AUTS2: variants seen among roughly 807,000 people sequenced by gnomAD.
AUTS2 encodes the protein activator of transcription and developmental regulator AUTS2.
In AUTS2, 17 loss-of-function variants were observed where a neutral mutation model predicts 112.4. The ratio of observed to expected loss-of-function variants is 0.15; its 90% confidence interval spans 0.10 to 0.23. The LOEUF (loss-of-function observed/expected upper bound fraction) is 0.23, where lower values mean the gene tolerates loss of function less well. AUTS2 is among the 10% of genes least tolerant of loss of function. The probability of loss-of-function intolerance (pLI) is 1.00; values close to 1 mark genes in which losing one functional copy is unlikely to be tolerated. For synonymous variants in AUTS2, 751 were observed against 702.7 expected (o/e 1.07, Z -1.09); for missense variants, 1,510 against 1,701.6 (o/e 0.89, Z 1.98).
At chr7:70,465,850 C>A (rs1370858078) in intron 5 of AUTS2, among the ~76,000 whole-genome samples, 1 of 152,128 alleles carries the variant, frequency 6.6e-6, no homozygotes, top group East Asian at 1.9e-4. Context: ...TGCAAGTGGG[C>A]AGGAGGGGTT....
intron 4 of AUTS2, among the ~76,000 whole-genome samples, chr7:70,213,611 T>A (rs1345060295): frequency 6.6e-6 from 1 of 152,142 alleles, no homozygotes. Context: ...AAAATCATCT[T>A]GTCTTCTTTA....
At chr7:70,646,934 C>A (rs937642840) in intron 5 of AUTS2, among the ~76,000 whole-genome samples, 1 of 152,234 alleles carries the variant, frequency 6.6e-6, no homozygotes, top group African/African-American at 2.4e-5. Context: ...TCTGGCCTTG[C>A]TGCTCATCAT....
chr7:69,963,563 A>G (rs1323539259), intron 2 of AUTS2, among the ~76,000 whole-genome samples: 1 of 152,162 alleles, frequency 6.6e-6, no homozygotes, highest in Non-Finnish European at 1.5e-5. Flanking sequence ...TGAGCTACTA[A>G]GCAGAGGTTA....
At chr7:69,947,705 T>C (rs1442133245) in intron 2 of AUTS2, among the ~76,000 whole-genome samples, 1 of 152,176 alleles carries the variant, frequency 6.6e-6, no homozygotes, top group East Asian at 1.9e-4. Flanking sequence ...GATAAATTTG[T>C]TATATAGGCT....
intron 4 of AUTS2, among the ~76,000 whole-genome samples, chr7:70,239,719 G>A (rs1812510137): frequency 6.6e-6 from 1 of 152,086 alleles, no homozygotes; most frequent in South Asian, 2.1e-4. Context: ...ACAGGCGTGA[G>A]CCACCATACC....
At chr7:70,021,399 C>T (rs73160105) in intron 2 of AUTS2, among the ~76,000 whole-genome samples, 344 of 152,224 alleles carry the variant, frequency 2.3e-3, no homozygotes, top group Non-Finnish European at 3.6e-3. Context: ...GAAGGTTAGG[C>T]TTTGAGAAGT....
intron 4 of AUTS2, among the ~76,000 whole-genome samples, chr7:70,355,756 A>G (rs1360080696): frequency 6.6e-6 from 1 of 152,148 alleles, no homozygotes; most frequent in Non-Finnish European, 1.5e-5. Context: ...CAGCTGATAT[A>G]TGACACTAAT....
At chr7:69,952,487 TG>T (rs1420190509) in intron 2 of AUTS2, among the ~76,000 whole-genome samples, 2 of 152,160 alleles carry the variant, frequency 1.3e-5, no homozygotes, top group African/African-American at 2.4e-5. Flanking sequence ...GCAGGATCAT[TG>T]TAAATTAGTG....
chr7:70,628,116 G>C (rs1292313067), intron 5 of AUTS2, among the ~76,000 whole-genome samples: 2 of 152,130 alleles, frequency 1.3e-5, no homozygotes, highest in African/African-American at 4.8e-5. Flanking sequence ...CAGGGCACAA[G>C]TGTGGCAAAG....
At position 70,406,979 on chromosome 7, in the gene AUTS2, T is replaced by C. The variant is rs995335388; in HGVS notation, c.661-28773T>C. ...ACCCAAAACCTACTGATTTGTTAAG[T>C]TGTCATTCTCCTTATGGACATCAAG... On this transcript the variant is annotated intron_variant, in intron 4 of 18. Transcript: ENST00000342771. Among the ~76,000 whole-genome samples, 9 of 152,352 alleles carry C rather than the reference T, an allele frequency of 5.9e-5. No homozygotes were observed. In the South Asian group the frequency reaches 1.2e-3, roughly 21 times the overall value.
chr7:69,888,540 GATATATATAT>G (rs60804022), intron 1 of AUTS2, among the ~76,000 whole-genome samples: 994 of 99,232 alleles, frequency 0.01, 19 homozygotes, highest in South Asian at 0.03. Context: ...CAACATTGGG[GATATATATAT>G]ATATATATAT....
At chr7:70,692,789 G>A (rs1413777131) in intron 5 of AUTS2, among the ~76,000 whole-genome samples, 1 of 148,870 alleles carries the variant, frequency 6.7e-6, no homozygotes, top group Non-Finnish European at 1.5e-5. Flanking sequence ...TAACTTGAGA[G>A]GTTTTTCAAG....
intron 1 of AUTS2, among the ~76,000 whole-genome samples, chr7:69,646,230 A>T (rs116543277): frequency 0.019 from 2,926 of 152,186 alleles, 91 homozygotes; most frequent in African/African-American, 0.064. Flanking sequence ...ACATTTTTTT[A>T]AAAAAGCAGG....
chr7:69,881,407 C>T (rs554397971), intron 1 of AUTS2, among the ~76,000 whole-genome samples: 1 of 151,598 alleles, frequency 6.6e-6, no homozygotes, highest in East Asian at 1.9e-4. Flanking sequence ...TGGCAGGAGG[C>T]CTTGTAGGTA....
chr7:70,426,662 C>T (rs1379696692), intron 4 of AUTS2, among the ~76,000 whole-genome samples: 2 of 152,136 alleles, frequency 1.3e-5, no homozygotes, highest in Non-Finnish European at 1.5e-5. Context: ...GCAATGATAT[C>T]CTTTTATCTT....
chr7:70,625,406 C>T (rs867339193), intron 5 of AUTS2, among the ~76,000 whole-genome samples: 7 of 152,220 alleles, frequency 4.6e-5, no homozygotes, highest in Admixed American at 1.3e-4. Flanking sequence ...TTGGGATTCA[C>T]ACAATACTTG....
At chr7:70,690,339 C>A (rs1485438180) in intron 5 of AUTS2, among the ~76,000 whole-genome samples, 3 of 152,158 alleles carry the variant, frequency 2.0e-5, no homozygotes, top group Admixed American at 2.0e-4. Context: ...ACATCCTTGC[C>A]GAGGCTAGTT....
At chr7:69,972,666 CGTGCATGTGTGTGTGT>C (rs1797896692) in intron 2 of AUTS2, among the ~76,000 whole-genome samples, 1 of 131,780 alleles carries the variant, frequency 7.6e-6, no homozygotes. Flanking sequence ...TGTGTGTGTG[CGTGCATGTGTGTGTGT>C]GTGTGTGTGT....
chr7:70,276,982 A>G (rs1419281071), intron 4 of AUTS2, among the ~76,000 whole-genome samples: 1 of 152,226 alleles, frequency 6.6e-6, no homozygotes, highest in African/African-American at 2.4e-5. Flanking sequence ...GCAAGGCAGG[A>G]TAGCAACAGG....
Sources: gnomAD v4.1 joint callset for allele counts (sites outside exome capture counted in the v4.1 genomes callset) on GRCh38, gnomAD v4.1.1 for gene constraint, MANE v1.5 for transcripts, NCBI Gene and HGNC (gene_info 2026-07-23, HGNC 2026-07-21) for gene names.